BICRA: variants seen among roughly 807,000 people sequenced by gnomAD.
BICRA encodes the protein BRD4 interacting chromatin remodeling complex associated protein.
In BICRA, 31 loss-of-function variants were observed where a neutral mutation model predicts 96.9. That is an observed-to-expected ratio of 0.32 (90% confidence interval 0.24 to 0.43). The LOEUF (loss-of-function observed/expected upper bound fraction) is 0.43. BICRA is among the 20% of genes least tolerant of loss of function. The pLI is 1.00. For missense variants in BICRA, 2,283 were observed against 2,190.3 expected (o/e 1.04, Z -0.84); for synonymous variants, 1,350 against 1,071.8 (o/e 1.26, Z -5.07).
chr19:47,679,821 G>A lies in BICRA; in HGVS notation c.651G>A (p.Leu217=). 1 of 1,486,464 alleles carries A rather than the reference G, an allele frequency of 6.7e-7. No individual in the cohort carries two copies. The highest frequency in any genetic ancestry group is 1.3e-5 in the South Asian group (1 of 75,662). The allele number at this position is 1,486,464 out of a possible 1,614,324, so 92.1% of individuals were successfully genotyped here. ...AGCCCATCCCGGGCCTCCAAGGCCT[G>A]CCCAATGGCAGCCCTGGGGGTGCCA... The part of the protein sequence containing the change: ...TLQPIPGLQG[L]PNGSPGGATA... Residue 217 remains leucine, a synonymous_variant, in exon 6 of 15, where the codon CTG becomes CTA. Coordinates refer to ENST00000594866, the MANE Select transcript of BICRA (RefSeq NM_001394372.1).
chr19:47,666,448 T>C (rs1972780621), intron 1 of BICRA, among the ~76,000 whole-genome samples: 1 of 151,888 alleles, frequency 6.6e-6, no homozygotes, highest in Admixed American at 6.6e-5. Flanking sequence ...CCCAGCTGTT[T>C]TGTATTTTAG....
At chr19:47,641,334 C>T (rs150668745) in intron 1 of BICRA, among the ~76,000 whole-genome samples, 7 of 152,176 alleles carry the variant, frequency 4.6e-5, no homozygotes, top group Non-Finnish European at 8.8e-5. Flanking sequence ...ACCATCATCA[C>T]GATCAGGATA....
chr19:47,699,135 G>C lies in BICRA; in HGVS notation c.3492+76G>C. 11 of 1,142,516 alleles carry C rather than the reference G, an allele frequency of 9.6e-6. No individual in the cohort carries two copies. The highest frequency in any genetic ancestry group is 1.4e-5 in the Non-Finnish European group (11 of 779,152). The allele number at this position is 1,142,516 out of a possible 1,614,324, so 70.8% of individuals were successfully genotyped here. A position where few individuals can be genotyped will look rare whatever the true frequency, so the allele number is the denominator to read the frequency against. Reference sequence around the variant, plus strand: ...CTGCCCCTTTCCCTCACCCGCTCTGGGCAAGGTGGAGCCTCCCGCCCCTCC... The same window carrying C: ...CTGCCCCTTTCCCTCACCCGCTCTGCGCAAGGTGGAGCCTCCCGCCCCTCC... On this transcript the variant is annotated intron_variant, in intron 13 of 14. Coordinates refer to ENST00000594866, the MANE Select transcript of BICRA (RefSeq NM_001394372.1). The surrounding 1 kb of genome is among the most constrained non-coding windows in gnomAD (Gnocchi z 5.0).
chr19:47,680,027 G>T lies in BICRA; in HGVS notation c.857G>T (p.Gly286Val). The change falls in exon 6 of 15, where the codon GGC becomes GTC. Residue 286 changes from glycine to valine, a missense_variant. Transcript: ENST00000594866. ...ASAGVSPQGA[G>V]LVIQKNLSAA... ...GCCGGTGTCTCGCCACAGGGGGCTGGCCTGGTCATCCAGAAGAACCTCTCG... is the reference window on the plus strand; with the variant it reads ...GCCGGTGTCTCGCCACAGGGGGCTGTCCTGGTCATCCAGAAGAACCTCTCG... The T allele has an allele frequency of 6.5e-7, 1 of 1,539,930 alleles. No homozygotes were observed. The highest frequency in any genetic ancestry group is 2.0e-5 in the Admixed American group (1 of 50,144).
Position 47,702,512 on chromosome 19 carries a change from C to CGCCCTCAGCCT in BICRA, c.*97_*98insGCCCTCAGCCT. 7.4e-7 allele frequency: 1 copy of CGCCCTCAGCCT among 1,343,506 alleles called. No individual in the cohort carries two copies. Among genetic ancestry groups the CGCCCTCAGCCT allele is most frequent in the Non-Finnish European group, 9.6e-7 (1 of 1,044,374 alleles). The allele number at this position is 1,343,506 out of a possible 1,614,324, so 83.2% of individuals were successfully genotyped here. A position where few individuals can be genotyped will look rare whatever the true frequency, so the allele number is the denominator to read the frequency against. ...CTCCTGGGGACTCGAGCCGGGGATC[C>CGCCCTCAGCCT]CCTGACGGTTTTTCTTGCCTAAGTT... On this transcript the variant is annotated 3_prime_UTR_variant, in exon 15 of 15. Coordinates refer to ENST00000594866, the MANE Select transcript of BICRA (RefSeq NM_001394372.1).
chr19:47,620,126 G>A (rs951934354), intron 1 of BICRA, among the ~76,000 whole-genome samples: 10 of 152,090 alleles, frequency 6.6e-5, no homozygotes, highest in African/African-American at 1.9e-4. Flanking sequence ...TGTGTGTATC[G>A]GGAGTGTCTT....
intron 1 of BICRA, among the ~76,000 whole-genome samples, chr19:47,619,898 A>G (rs1310268882): frequency 6.6e-6 from 1 of 152,116 alleles, no homozygotes; most frequent in African/African-American, 2.4e-5. Flanking sequence ...CCTAACCCCT[A>G]TCAAGATACA....
upstream of BICRA, among the ~76,000 whole-genome samples, chr19:47,608,818 C>T (rs1432272526): frequency 4.0e-5 from 6 of 150,382 alleles, no homozygotes; most frequent in Admixed American, 1.3e-4. Flanking sequence ...AGCCCCTCCT[C>T]CGGCGAGGGC....
chr19:47,698,584 C>CCTCCCCCCCCCCCCCCCCCCGGG lies in BICRA; in HGVS notation c.3249-50_3249-49insCTCCCCCCCCCCCCCCCCCCGGG. 1.3e-6 allele frequency: 1 copy of CCTCCCCCCCCCCCCCCCCCCGGG among 785,680 alleles called. No homozygotes were observed. The allele number at this position is 785,680 out of a possible 1,614,324, so 48.7% of individuals were successfully genotyped here. On this transcript the variant is annotated intron_variant, in intron 11 of 14. Transcript: ENST00000594866. This position sits in a 1 kb window ranked among gnomAD's most constrained non-coding sequence, Gnocchi z 4.8. ...TCAGGGACTTCCCCTGGCCCTCACC[C>CCTCCCCCCCCCCCCCCCCCCGGG]GTCCCCCCCACCCTCCGCCGTGTGT...
At chr19:47,631,389 G>A (rs561746236) in intron 1 of BICRA, among the ~76,000 whole-genome samples, 15 of 151,992 alleles carry the variant, frequency 9.9e-5, no homozygotes, top group Non-Finnish European at 1.8e-4. Flanking sequence ...CACCACACCC[G>A]GCTAATTTTT....
chr19:47,615,999 A>G (rs1422849287), intron 1 of BICRA: 1 of 152,364 alleles, frequency 6.6e-6, no homozygotes, highest in Non-Finnish European at 1.5e-5. Context: ...TCCGCTCTGA[A>G]AGGTCCCCAT....
chr19:47,680,349 C>T lies in BICRA; in HGVS notation c.1179C>T (p.Ala393=). 1 of 1,532,782 alleles carries T rather than the reference C, an allele frequency of 6.5e-7. No homozygotes were observed. Among genetic ancestry groups the T allele is most frequent in the African/African-American group, 1.4e-5 (1 of 72,876 alleles). 94.9% of individuals were successfully genotyped at this position (1,532,782 alleles called of 1,614,324 possible). A position where few individuals can be genotyped will look rare whatever the true frequency, so the allele number is the denominator to read the frequency against. The change falls in exon 6 of 15, where the codon GCC becomes GCT. Residue 393 remains alanine, a synonymous_variant. Coordinates refer to ENST00000594866, the MANE Select transcript of BICRA (RefSeq NM_001394372.1). ...EPGALPQQPK[A]PQNLTFMAAG... is the part of the protein sequence containing the mutation. ...GGGCGCTCCCGCAGCAGCCCAAGGCCCCGCAGAACCTGACGTTCATGGCGG... is the reference window on the plus strand; with the variant it reads ...GGGCGCTCCCGCAGCAGCCCAAGGCTCCGCAGAACCTGACGTTCATGGCGG...
chr19:47,655,525 CAAAAAAAAAAA>C (rs58172799), intron 1 of BICRA, among the ~76,000 whole-genome samples: 2 of 65,122 alleles, frequency 3.1e-5, no homozygotes, highest in African/African-American at 1.3e-4. Context: ...AACTCTGTCT[CAAAAAAAAAAA>C]AAAAAAAAAA....
rs1180171892 is a variant in BICRA, at chr19:47,698,988, T to A, written c.3421T>A (p.Ser1141Thr). The A allele has an allele frequency of 3.2e-6, 5 of 1,586,040 alleles. No individual in the cohort carries two copies. The highest frequency in any genetic ancestry group is 4.3e-6 in the Non-Finnish European group (5 of 1,166,724). The change falls in exon 13 of 15, where the codon TCC (serine) becomes ACC (threonine). Residue 1141 changes from serine (S) to threonine (T), a missense_variant. Transcript: ENST00000594866. This position sits in a 1 kb window ranked among gnomAD's most constrained non-coding sequence, Gnocchi z 4.8. Reference sequence around the variant, plus strand: ...AGTGGACGAGGAGTTTGAGACGGTCTCCACGCAGCTGCTGAAACGCACCCA... The same window carrying A: ...AGTGGACGAGGAGTTTGAGACGGTCACCACGCAGCTGCTGAAACGCACCCA... ...HKVDEEFETVSTQLLKRTQAM... is the reference protein window; with the variant it reads ...HKVDEEFETVTTQLLKRTQAM...
intron 7 of BICRA, among the ~76,000 whole-genome samples, chr19:47,691,026 C>T (rs527551886): frequency 2.0e-5 from 3 of 152,292 alleles, no homozygotes; most frequent in South Asian, 4.1e-4. Context: ...CAAGTATTCA[C>T]GTGTCTCACA....
At chr19:47,643,890 G>A (rs966377396) in intron 1 of BICRA, among the ~76,000 whole-genome samples, 2 of 152,164 alleles carry the variant, frequency 1.3e-5, no homozygotes, top group South Asian at 2.1e-4. Context: ...GGTTAATTCT[G>A]TTCCGATGTC....
chr19:47,647,223 A>T, intron 1 of BICRA, among the ~76,000 whole-genome samples: 1 of 151,112 alleles, frequency 6.6e-6, no homozygotes, highest in Non-Finnish European at 1.5e-5. Flanking sequence ...TCCAGTTTGC[A>T]CTGTTCTGAA....
chr19:47,616,369 G>A (rs1194168535), intron 1 of BICRA, among the ~76,000 whole-genome samples: 1 of 152,224 alleles, frequency 6.6e-6, no homozygotes, highest in Non-Finnish European at 1.5e-5. Flanking sequence ...GGCATTGGTG[G>A]CTCATGCCTG....
intron 1 of BICRA, among the ~76,000 whole-genome samples, chr19:47,648,213 G>A (rs968139860): frequency 6.8e-6 from 1 of 146,828 alleles, no homozygotes. Context: ...CTCTGAGCCC[G>A]CAGTGGCTGC....
Sources: allele counts gnomAD v4.1 joint callset (sites outside exome capture counted in the v4.1 genomes callset), GRCh38; gene constraint gnomAD v4.1.1; non-coding constraint Gnocchi (gnomAD v3.1); transcripts MANE v1.5; gene names NCBI Gene and HGNC (gene_info 2026-07-23, HGNC 2026-07-21).